Variants in LRRTM4 observed in about 807,000 individuals in gnomAD.
LRRTM4 encodes the protein leucine rich repeat transmembrane neuronal 4.
Under a neutral mutation model 47.6 loss-of-function variants are expected in LRRTM4, and 25 were observed. That is an observed-to-expected ratio of 0.53 (90% CI 0.38 to 0.73). The LOEUF (loss-of-function observed/expected upper bound fraction) is 0.73, where lower values mean the gene tolerates loss of function less well. Among genes scored for constraint, LRRTM4 ranks in the 30% least tolerant of loss-of-function variants. LRRTM4 has a pLI of 0.00. For synonymous variants in LRRTM4, 311 were observed against 269.5 expected (o/e 1.15, Z -1.51); for missense variants, 638 against 713.4 (o/e 0.89, Z 1.20).
At chr2:77,339,692 A>C (rs1366548097) in intron 3 of LRRTM4, among the ~76,000 whole-genome samples, 1 of 152,034 alleles carries the variant, frequency 6.6e-6, no homozygotes, top group African/African-American at 2.4e-5. Flanking sequence ...TCTTGAATGT[A>C]ATATGCATCA....
At chr2:77,058,551 T>C (rs1281757597) in intron 3 of LRRTM4, among the ~76,000 whole-genome samples, 1 of 152,146 alleles carries the variant, frequency 6.6e-6, no homozygotes, top group Non-Finnish European at 1.5e-5. Flanking sequence ...TTTCATCTCT[T>C]CTTCTATTTA....
At chr2:77,426,831 GCACACA>G (rs70956630) in intron 3 of LRRTM4, among the ~76,000 whole-genome samples, 9 of 147,400 alleles carry the variant, frequency 6.1e-5, no homozygotes, top group Middle Eastern at 7.1e-3. Context: ...ACACACACAT[GCACACA>G]CACACACACA....
At chr2:76,932,204 A>C (rs1674792855) in intron 3 of LRRTM4, among the ~76,000 whole-genome samples, 1 of 152,098 alleles carries the variant, frequency 6.6e-6, no homozygotes, top group African/African-American at 2.4e-5. Flanking sequence ...CTAGACTTTA[A>C]GCTGAAAACC....
intron 3 of LRRTM4, among the ~76,000 whole-genome samples, chr2:76,828,039 T>C (rs1671235569): frequency 6.6e-6 from 1 of 151,982 alleles, no homozygotes; most frequent in South Asian, 2.1e-4. Flanking sequence ...TGAAAAAGTA[T>C]TGCTTAGCGT....
intron 3 of LRRTM4, among the ~76,000 whole-genome samples, chr2:77,100,430 A>G (rs572774035): frequency 3.9e-5 from 6 of 152,334 alleles, no homozygotes; most frequent in Middle Eastern, 3.4e-3. Context: ...GAGTTGAATC[A>G]TACCTTTAGC....
chr2:76,758,135 T>C (rs13430399), intron 3 of LRRTM4, among the ~76,000 whole-genome samples: 2,564 of 152,274 alleles, frequency 0.017, 83 homozygotes, highest in African/African-American at 0.059. Flanking sequence ...CTTAAGAACA[T>C]GCATCTTGCC....
At chr2:77,505,908 T>G (rs1440999128) in intron 3 of LRRTM4, among the ~76,000 whole-genome samples, 3 of 151,686 alleles carry the variant, frequency 2.0e-5, no homozygotes, top group South Asian at 2.1e-4. Context: ...GATTCATAGA[T>G]TCACATAATT....
intron 3 of LRRTM4, among the ~76,000 whole-genome samples, chr2:77,199,109 C>G (rs954056911): frequency 6.6e-6 from 1 of 152,070 alleles, no homozygotes; most frequent in Non-Finnish European, 1.5e-5. Context: ...TTATTGAATG[C>G]TAATTTATAA....
chr2:77,276,224 A>C (rs564625245), intron 3 of LRRTM4, among the ~76,000 whole-genome samples: 2 of 152,056 alleles, frequency 1.3e-5, no homozygotes, highest in Admixed American at 6.6e-5. Flanking sequence ...GGATTGGCCC[A>C]AAAGCCCCAA....
At chr2:77,107,161 G>T (rs539075699) in intron 3 of LRRTM4, among the ~76,000 whole-genome samples, 1 of 152,096 alleles carries the variant, frequency 6.6e-6, no homozygotes, top group South Asian at 2.1e-4. Context: ...AAGACAATAG[G>T]AAAGTCTTTG....
chr2:77,017,265 TG>T (rs1045140293), intron 3 of LRRTM4, among the ~76,000 whole-genome samples: 19 of 152,340 alleles, frequency 1.2e-4, no homozygotes, highest in Admixed American at 5.9e-4. Context: ...CTTTAAGTAA[TG>T]CATATATTCT....
At chr2:77,319,132 C>T (rs1191347178) in intron 3 of LRRTM4, among the ~76,000 whole-genome samples, 3 of 152,068 alleles carry the variant, frequency 2.0e-5, no homozygotes, top group Non-Finnish European at 2.9e-5. Context: ...TGCCTGTAAA[C>T]CTGGCACTTT....
At chr2:76,771,254 G>T (rs1293288479) in intron 3 of LRRTM4, among the ~76,000 whole-genome samples, 1 of 152,176 alleles carries the variant, frequency 6.6e-6, no homozygotes, top group South Asian at 2.1e-4. Context: ...AGTTGGAATC[G>T]CTGTATCAGC....
chr2:77,383,519 G>A (rs1450043819), intron 3 of LRRTM4, among the ~76,000 whole-genome samples: 1 of 152,030 alleles, frequency 6.6e-6, no homozygotes, highest in Non-Finnish European at 1.5e-5. Context: ...CCAAAAGGCA[G>A]TCTAATAAGG....
At chr2:77,415,550 C>G (rs1041189401) in intron 3 of LRRTM4, among the ~76,000 whole-genome samples, 1 of 152,144 alleles carries the variant, frequency 6.6e-6, no homozygotes, top group Admixed American at 6.5e-5. Flanking sequence ...TCTCTGGACT[C>G]TATGGAAACT....
chr2:77,348,501 T>C (rs1019425558), intron 3 of LRRTM4, among the ~76,000 whole-genome samples: 5 of 150,180 alleles, frequency 3.3e-5, no homozygotes, highest in Non-Finnish European at 7.4e-5. Context: ...TATACACACA[T>C]ACAATGTTAT....
At chr2:76,961,956 C>CT (rs1225329810) in intron 3 of LRRTM4, among the ~76,000 whole-genome samples, 1 of 151,186 alleles carries the variant, frequency 6.6e-6, no homozygotes, top group African/African-American at 2.4e-5. Context: ...AATGAAGCCC[C>CT]TTTATGAATA....
At chr2:76,962,948 C>T (rs775299759) in intron 3 of LRRTM4, among the ~76,000 whole-genome samples, 2 of 150,466 alleles carry the variant, frequency 1.3e-5, no homozygotes, top group African/African-American at 2.4e-5. Flanking sequence ...CACACAAACA[C>T]GTGCACCATC....
chr2:76,796,644 C>T (rs1675341896), intron 3 of LRRTM4, among the ~76,000 whole-genome samples: 1 of 107,034 alleles, frequency 9.3e-6, no homozygotes, highest in Non-Finnish European at 1.8e-5. Context: ...GACATCCACA[C>T]CAAAATCCCA....
Sources: allele counts gnomAD v4.1 joint callset (sites outside exome capture counted in the v4.1 genomes callset), GRCh38; gene constraint gnomAD v4.1.1; transcripts MANE v1.5; gene names NCBI Gene and HGNC (gene_info 2026-07-23, HGNC 2026-07-21).